Variants in PPP1R12B observed in about 807,000 individuals in gnomAD.
The protein encoded by PPP1R12B is myosin phosphatase target subunit 2.
A neutral mutation model predicts 126.1 loss-of-function variants in PPP1R12B; 76 were observed. The observed-to-expected ratio is 0.60, with a 90% confidence interval of 0.50 to 0.73. The LOEUF is 0.73. PPP1R12B is among the 30% of genes least tolerant of loss of function. The probability of loss-of-function intolerance (pLI) is 0.00; values close to 1 mark genes in which losing one functional copy is unlikely to be tolerated. For synonymous variants in PPP1R12B, 356 were observed against 434.7 expected, an observed-to-expected ratio of 0.82 and a Z score of 2.25; for missense variants, 1,052 against 1,205.1, an observed-to-expected ratio of 0.87 and a Z score of 1.88.
chr1:202,444,202 T>C (rs765496418), intron 12 of PPP1R12B, among the ~76,000 whole-genome samples: 2 of 152,222 alleles, frequency 1.3e-5, no homozygotes, highest in African/African-American at 2.4e-5. Flanking sequence ...TGAGAGTTCA[T>C]CTCTTGTGTA....
At chr1:202,515,500 C>T (rs1682033223) in intron 18 of PPP1R12B, among the ~76,000 whole-genome samples, 1 of 152,170 alleles carries the variant, frequency 6.6e-6, no homozygotes. Context: ...CTGCTGCCTT[C>T]TTTGCATAGG....
intron 1 of PPP1R12B, chr1:202,370,003 C>G (rs1208127529): frequency 6.3e-6 from 1 of 157,562 alleles, no homozygotes; most frequent in Admixed American, 6.5e-5. Context: ...ACCATGTTGT[C>G]CAGGCTAGTC....
At chr1:202,551,797 A>T (rs6661970) in intron 18 of PPP1R12B, among the ~76,000 whole-genome samples, 66,044 of 151,996 alleles carry the variant, frequency 0.43, 15,706 homozygotes, top group East Asian at 0.71. Flanking sequence ...CAGTGCTTCA[A>T]TGCTGGTTTG....
chr1:202,542,201 A>G (rs1685196957), intron 18 of PPP1R12B, among the ~76,000 whole-genome samples: 1 of 152,152 alleles, frequency 6.6e-6, no homozygotes. Context: ...TGTCCAACTA[A>G]TTAGGGTACT....
At position 202,524,433 on chromosome 1, in the gene PPP1R12B, T is replaced by C. The variant is rs183532727; in HGVS notation, c.2490+27611T>C. 3.9e-5 allele frequency among the ~76,000 whole-genome samples: 6 copies of C among 152,292 alleles called. No individual in the cohort carries two copies. In the East Asian group the frequency reaches 1.2e-3, roughly 29 times the overall value. ...TCTTTGGTTATATGAATAAGTTCTTTAGTGTGATTTCTGAGATTTTGGTGC... is the reference window on the plus strand; with the variant it reads ...TCTTTGGTTATATGAATAAGTTCTTCAGTGTGATTTCTGAGATTTTGGTGC... On this transcript the variant is annotated intron_variant, in intron 18 of 23. Transcript: ENST00000608999.
intron 1 of PPP1R12B, among the ~76,000 whole-genome samples, chr1:202,355,061 A>C (rs1656816320): frequency 6.6e-6 from 1 of 151,694 alleles, no homozygotes; most frequent in African/African-American, 2.4e-5. Context: ...GATCGAGACC[A>C]TCCTAGCTAA....
intron 1 of PPP1R12B, among the ~76,000 whole-genome samples, chr1:202,395,469 A>G (rs1664834984): frequency 1.3e-5 from 2 of 152,182 alleles, no homozygotes; most frequent in African/African-American, 4.8e-5. Flanking sequence ...TTGCTATCAA[A>G]TCATCCAACA....
At chr1:202,372,802 T>G (rs1660517440) in intron 1 of PPP1R12B, among the ~76,000 whole-genome samples, 3 of 151,968 alleles carry the variant, frequency 2.0e-5, no homozygotes, top group Admixed American at 6.6e-5. Context: ...AAGTAAAAAA[T>G]AAAAGAAAAA....
At chr1:202,555,570 C>A (rs549869003) in intron 18 of PPP1R12B, among the ~76,000 whole-genome samples, 1 of 151,736 alleles carries the variant, frequency 6.6e-6, no homozygotes, top group South Asian at 2.1e-4. Context: ...AGTCTGCACA[C>A]CATGGAGAAA....
At chr1:202,439,013 G>A (rs960997940) in intron 10 of PPP1R12B, 70 of 1,409,394 alleles carry the variant, frequency 5.0e-5, no homozygotes, top group South Asian at 2.8e-4. Flanking sequence ...GCAGGAGTGC[G>A]GCAGTGCCCA....
chr1:202,407,388 C>G (rs1373568121), intron 1 of PPP1R12B, among the ~76,000 whole-genome samples: 3 of 152,202 alleles, frequency 2.0e-5, no homozygotes, highest in Non-Finnish European at 4.4e-5. Context: ...TGCCAGTTTA[C>G]TGAGAACAAA....
intron 18 of PPP1R12B, among the ~76,000 whole-genome samples, chr1:202,557,676 G>A (rs750008489): frequency 1.3e-5 from 2 of 152,170 alleles, no homozygotes; most frequent in Non-Finnish European, 2.9e-5. Context: ...TAGGAAGGCT[G>A]CATTCTAGAC....
intron 13 of PPP1R12B, among the ~76,000 whole-genome samples, chr1:202,485,388 A>T (rs1240773456): frequency 7.4e-6 from 1 of 135,204 alleles, no homozygotes; most frequent in Non-Finnish European, 1.6e-5. Flanking sequence ...GATGGTGCTG[A>T]GTAGCAGCAG....
At chr1:202,432,300 G>A (rs1571985622) in intron 8 of PPP1R12B, among the ~76,000 whole-genome samples, 1 of 150,104 alleles carries the variant, frequency 6.7e-6, no homozygotes, top group Admixed American at 6.7e-5. Context: ...ACAGAGTCTC[G>A]CTCTGTTGCC....
intron 1 of PPP1R12B, among the ~76,000 whole-genome samples, chr1:202,373,655 A>G (rs1408109325): frequency 1.5e-5 from 2 of 135,520 alleles, no homozygotes; most frequent in African/African-American, 2.5e-5. Context: ...GTGACAGAAG[A>G]TATCTTTGTT....
intron 18 of PPP1R12B, among the ~76,000 whole-genome samples, chr1:202,514,226 A>G (rs1487391007): frequency 6.6e-6 from 1 of 151,830 alleles, no homozygotes. Flanking sequence ...GACTGCATGT[A>G]TGTCTTCTTT....
chr1:202,530,365 T>TA (rs1183146617), intron 18 of PPP1R12B, among the ~76,000 whole-genome samples: 10 of 152,162 alleles, frequency 6.6e-5, no homozygotes, highest in African/African-American at 2.2e-4. Context: ...CTTATACCTT[T>TA]ACTGATGTTT....
intron 2 of PPP1R12B, among the ~76,000 whole-genome samples, chr1:202,418,625 A>G (rs1668391849): frequency 6.6e-6 from 1 of 152,196 alleles, no homozygotes; most frequent in Admixed American, 6.5e-5. Context: ...AAGACAGACT[A>G]TTATAAATTA....
At chr1:202,400,747 TAAGA>T (rs1024307235) in intron 1 of PPP1R12B, among the ~76,000 whole-genome samples, 5 of 152,192 alleles carry the variant, frequency 3.3e-5, no homozygotes, top group African/African-American at 9.7e-5. Context: ...ATAATAATAC[TAAGA>T]AAGAAATAGT....
Sources: allele counts gnomAD v4.1 joint callset (sites outside exome capture counted in the v4.1 genomes callset), GRCh38; gene constraint gnomAD v4.1.1; transcripts MANE v1.5; gene names NCBI Gene and HGNC (gene_info 2026-07-23, HGNC 2026-07-21).